The following NID2 variants were observed in gnomAD, a reference collection of about 807,000 sequenced individuals.
NID2 encodes nidogen 2.
A neutral mutation model predicts 145.4 loss-of-function variants in NID2; 83 were observed. The ratio of observed to expected loss-of-function variants is 0.57; its 90% CI spans 0.48 to 0.69. The LOEUF (loss-of-function observed/expected upper bound fraction) is 0.69, where lower values mean the gene tolerates loss of function less well. NID2 is among the 30% of genes least tolerant of loss of function. The pLI, the probability that NID2 is intolerant of heterozygous loss-of-function variation, is 0.00. For synonymous variants in NID2, 739 were observed against 701.3 expected, an observed-to-expected ratio of 1.05 and a Z score of -0.85; for missense variants, 1,807 against 1,765.7, an observed-to-expected ratio of 1.02 and a Z score of -0.42.
chr14:52,006,588 G>A lies in NID2; in HGVS notation c.3953C>T (p.Pro1318Leu). 6.2e-7 allele frequency: 1 copy of A among 1,613,890 alleles called. No individual in the cohort carries two copies. ...RRVIQNNLKYPFSIVSYADHF... is the reference protein window; with the variant it reads ...RRVIQNNLKYLFSIVSYADHF... ...ATCTGCATAGCTTACGATGCTGAAG[G>A]GGTACTTGAGGTTGTTTTGAATGAC... The change falls in exon 20 of 22, where the codon CCC (proline) becomes CTC (leucine). Residue 1318 changes from proline to leucine, a missense_variant. Coordinates refer to ENST00000216286, the MANE Select transcript of NID2 (RefSeq NM_007361.4).
intron 2 of NID2, among the ~76,000 whole-genome samples, chr14:52,063,942 G>A (rs1174918098): frequency 2.6e-5 from 4 of 152,160 alleles, no homozygotes; most frequent in African/African-American, 4.8e-5. Flanking sequence ...ATACTCTTCA[G>A]CAAAACGTCA....
intron 5 of NID2, among the ~76,000 whole-genome samples, chr14:52,047,775 T>G (rs1291843551): frequency 6.6e-6 from 1 of 152,050 alleles, no homozygotes; most frequent in Non-Finnish European, 1.5e-5. Flanking sequence ...GGTTCAGTTC[T>G]GACAACAGCA....
chr14:52,055,055 G>A (rs1540700), intron 3 of NID2, among the ~76,000 whole-genome samples: 99,100 of 152,154 alleles, frequency 0.65, 33,516 homozygotes, highest in Non-Finnish European at 0.77. Flanking sequence ...AAATGACTAC[G>A]ACATACTTTC....
chr14:52,027,633 TACACACACACACACACACAC>T (rs59049676), intron 11 of NID2, among the ~76,000 whole-genome samples: 9 of 144,248 alleles, frequency 6.2e-5, no homozygotes, highest in East Asian at 2.1e-4. Context: ...GAGCAATTGC[TACACACACACACACACACAC>T]ACACACACAC....
At position 52,006,645 on chromosome 14, in the gene NID2, T is replaced by G. The variant is rs758453367; in HGVS notation, c.3896A>C (p.Glu1299Ala). The G allele has an allele frequency of 6.2e-7, 1 of 1,613,358 alleles. No individual in the cohort carries two copies. Among genetic ancestry groups the G allele is most frequent in the Non-Finnish European group, 8.5e-7 (1 of 1,179,548 alleles). Residue 1299 changes from glutamate to alanine, a missense_variant, in exon 20 of 22, where the codon GAG becomes GCG. Coordinates refer to ENST00000216286, the MANE Select transcript of NID2 (RefSeq NM_007361.4). Reference sequence around the variant, plus strand: ...TCCAGTTCCATCAGGTAGTGTACACTCCAGTTTTTTGGTTCCTTTTAAAAC... The same window carrying G: ...TCCAGTTCCATCAGGTAGTGTACACGCCAGTTTTTTGGTTCCTTTTAAAAC... The part of the protein sequence containing the change: ...CWADAGTKKL[E>A]CTLPDGTGRR...
intron 2 of NID2, among the ~76,000 whole-genome samples, chr14:52,064,024 C>T (rs970503791): frequency 9.9e-5 from 15 of 152,200 alleles, no homozygotes; most frequent in African/African-American, 3.4e-4. Flanking sequence ...TTCATCTTCA[C>T]AGTGATATCT....
intron 2 of NID2, among the ~76,000 whole-genome samples, chr14:52,062,404 A>T (rs1397725714): frequency 6.6e-6 from 1 of 152,228 alleles, no homozygotes; most frequent in Non-Finnish European, 1.5e-5. Flanking sequence ...AGAGCTTCTC[A>T]ATACTAGGAA....
rs369241131 is a variant in NID2 at position 52,010,934 on chromosome 14, C to G, written c.3664G>C (p.Val1222Leu). ...SALLDGSERKVLFYTDLVNPR... is the reference protein window; with the variant it reads ...SALLDGSERKLLFYTDLVNPR... ...TTCACCAGATCTGTGTAGAAGAGGA[C>G]CTTGCGCTCAGAGCCATCCAGCAGG... is the stretch of plus-strand genomic sequence containing the variant. Residue 1222 changes from valine (V) to leucine (L), a missense_variant, in exon 18 of 22, where the codon GTC (valine) becomes CTC (leucine). Val to Leu is a conservative substitution (Grantham distance 32). Transcript: ENST00000216286. 4.3e-6 allele frequency: 7 copies of G among 1,613,988 alleles called. No homozygotes were observed. The African/African-American group carries it at 9.3e-5, about 22-fold the overall frequency.
Position 52,019,249 on chromosome 14 carries a change from G to A in NID2, c.2840C>T (p.Ala947Val). The A allele has an allele frequency of 1.2e-6, 2 of 1,608,266 alleles. No homozygotes were observed. The highest frequency in any genetic ancestry group is 1.7e-6 in the Non-Finnish European group (2 of 1,175,160). ...LTPCEQQQRHAQAQYAYPGAR... is the reference protein window; with the variant it reads ...LTPCEQQQRHVQAQYAYPGAR... Reference sequence around the variant, plus strand: ...CCCAGGGTAGGCATACTGGGCCTGGGCATGGCGCTGCTGTTGTTCACAGGG... The same window carrying A: ...CCCAGGGTAGGCATACTGGGCCTGGACATGGCGCTGCTGTTGTTCACAGGG... Residue 947 changes from alanine (A) to valine (V), a missense_variant, in exon 14 of 22, where the codon GCC becomes GTC. Physicochemically the swap from Ala to Val is moderately conservative, Grantham distance 64. Transcript: ENST00000216286.
rs527635533 is a variant in NID2 at position 52,014,312 on chromosome 14, G to A, written c.3395C>T (p.Ala1132Val). 2 of 1,614,240 alleles carry A rather than the reference G, an allele frequency of 1.2e-6. No homozygotes were observed. Among genetic ancestry groups the A allele is most frequent in the South Asian group, 2.2e-5 (2 of 91,088 alleles). The change falls in exon 16 of 22, where the codon GCA (alanine) becomes GTA (valine). Residue 1132 changes from alanine to valine, a missense_variant. Physicochemically the swap from Ala to Val is moderately conservative, Grantham distance 64 (BLOSUM62 0). Coordinates refer to ENST00000216286, the MANE Select transcript of NID2 (RefSeq NM_007361.4). ...ATGCAGAGACAGCAGGGTCTTAGCT[G>A]CATCCTTCTGAAGCCTGGTGCCATT... ...PLNGTRLQKD[A>V]AKTLLSLHGS...
At chr14:52,067,664 G>A (rs543709178) in intron 2 of NID2, among the ~76,000 whole-genome samples, 194 bp downstream of exon 2, 1 of 152,158 alleles carries the variant, frequency 6.6e-6, no homozygotes, top group Non-Finnish European at 1.5e-5. Context: ...GTGACCACCT[G>A]CCAGGGCCTC....
In NID2 at chr14:52,029,330, C is replaced by G. The variant is rs1358619203; in HGVS notation, c.2401+217G>C. 2.0e-5 allele frequency among the ~76,000 whole-genome samples: 3 copies of G among 152,184 alleles called. No individual in the cohort carries two copies. In the East Asian group the frequency reaches 5.8e-4, roughly 29 times the overall value. ...TGCAACAGATGTTTTCTTTTCACAG[C>G]CCCGGTGCAAAATCCACTCCACTCC... On this transcript the variant is annotated intron_variant, in intron 10 of 21. Coordinates refer to ENST00000216286, the MANE Select transcript of NID2 (RefSeq NM_007361.4).
chr14:52,011,757 C>A, intron 16 of NID2, 74 bp from the exon 17 acceptor site: 1 of 1,559,508 alleles, frequency 6.4e-7, no homozygotes, highest in South Asian at 1.1e-5. Context: ...CTGCCTTGCT[C>A]ATGCACAGCT....
In NID2 at chr14:52,029,557, C is replaced by A. The variant is rs12887495; in HGVS notation, c.2391G>T (p.Arg797=). The change falls in exon 10 of 22, where the codon CGG becomes CGT. Residue 797 remains arginine (R), a synonymous_variant. Transcript: ENST00000216286. ...GAACATGGCTCTTACCCACACAGTT[C>A]CGTCCATCTCCCTGGTACCCAGATG... ...ECASGYQGDG[R]NCVDENECAT... 0.069 allele frequency: 110,907 copies of A among 1,612,230 alleles called. 4,389 individuals carry two copies. Among genetic ancestry groups the A allele is most frequent in the Middle Eastern group, 0.12 (736 of 6,044 alleles).
chr14:52,042,143 A>T lies in NID2; in HGVS notation c.1787T>A (p.Leu596Ter). ...IGGLFGWLFA[L>*]EKPGSENGFS... Reference sequence around the variant, plus strand: ...GCCGTTCTCAGAGCCAGGTTTTTCTAAAGCAAAGAGCCAGCCAAACAGGCC... The same window carrying T: ...GCCGTTCTCAGAGCCAGGTTTTTCTTAAGCAAAGAGCCAGCCAAACAGGCC... Residue 596 changes from leucine to a stop codon, truncating the protein, a stop_gained, in exon 7 of 22, where the codon TTA becomes TAA. Transcript: ENST00000216286. LOFTEE classifies it high-confidence loss of function. 6.2e-7 allele frequency: 1 copy of T among 1,608,316 alleles called. No homozygotes were observed. The highest frequency in any genetic ancestry group is 8.5e-7 in the Non-Finnish European group (1 of 1,176,260).
At chr14:52,027,400 T>TCA in intron 11 of NID2, 56 bp from the exon 12 acceptor site, 1 of 1,423,684 alleles carries the variant, frequency 7.0e-7, no homozygotes, top group Non-Finnish European at 9.3e-7. Context: ...AGGATGAGCC[T>TCA]CACTCCTCAT....
At chr14:52,068,548 G>A (rs1893307383) in intron 1 of NID2, among the ~76,000 whole-genome samples, 1 of 152,244 alleles carries the variant, frequency 6.6e-6, no homozygotes, top group Non-Finnish European at 1.5e-5. Flanking sequence ...GGACGCGTAC[G>A]TGGCTGCGAA....
intron 12 of NID2, among the ~76,000 whole-genome samples, chr14:52,023,480 T>A (rs912692000): frequency 2.1e-4 from 31 of 148,350 alleles, no homozygotes; most frequent in East Asian, 8.1e-4. Flanking sequence ...AAATAAAAAT[T>A]AAAAAAAAAT....
chr14:52,053,849 C>T lies in NID2; in HGVS notation c.1159G>A (p.Asp387Asn), dbSNP rs1369533098. 1.2e-5 allele frequency: 19 copies of T among 1,614,054 alleles called. No individual in the cohort carries two copies. The highest frequency in any genetic ancestry group is 1.6e-5 in the Non-Finnish European group (19 of 1,180,036). ...GCTGGGCTTCTGGTCTCTCTCTCAT[C>T]CCAGGGCTCAACTTGGCCTTTTAAA... ...PDLKGQVEPW[D>N]ERETRSPAPP... Residue 387 changes from aspartate to asparagine, a missense_variant, in exon 5 of 22, where the codon GAT becomes AAT. Coordinates refer to ENST00000216286, the MANE Select transcript of NID2 (RefSeq NM_007361.4).
Sources: gnomAD v4.1 joint callset for allele counts (sites outside exome capture counted in the v4.1 genomes callset) on GRCh38, gnomAD v4.1.1 for gene constraint, MANE v1.5 for transcripts, NCBI Gene and HGNC (gene_info 2026-07-23, HGNC 2026-07-21) for gene names.